HMGCLL1: variants seen among roughly 807,000 people sequenced by gnomAD.
HMGCLL1 encodes 3-hydroxymethyl-3-methylglutaryl-CoA lyase, cytoplasmic.
HMGCLL1 carries 36 observed loss-of-function variants against 39.1 expected under a neutral mutation model. The observed-to-expected ratio is 0.92, with a 90% confidence interval of 0.71 to 1.22. HMGCLL1 has a LOEUF of 1.22. HMGCLL1 is among the 50% of genes most tolerant of loss of function. The probability of loss-of-function intolerance (pLI) is 0.00; values close to 1 mark genes in which losing one functional copy is unlikely to be tolerated. For synonymous variants in HMGCLL1, 149 were observed against 144.0 expected, an observed-to-expected ratio of 1.03 and a Z score of -0.25; for missense variants, 451 against 416.5, an observed-to-expected ratio of 1.08 and a Z score of -0.72.
chr6:55,643,405 T>A, the HMGCLL1 span, among the ~76,000 whole-genome samples: 1 of 152,058 alleles, frequency 6.6e-6, no homozygotes, highest in Non-Finnish European at 1.5e-5. Flanking sequence ...GTTCTGTGAG[T>A]AATGTCATTG....
chr6:55,575,223 C>T (rs1340565795), intron 1 of HMGCLL1, among the ~76,000 whole-genome samples: 1 of 151,982 alleles, frequency 6.6e-6, no homozygotes, highest in Non-Finnish European at 1.5e-5. Flanking sequence ...CAATTTCAAC[C>T]TCTTGGTCTA....
chr6:55,561,353 AAAG>A (rs986276533), intron 1 of HMGCLL1, among the ~76,000 whole-genome samples: 8 of 152,038 alleles, frequency 5.3e-5, no homozygotes, highest in African/African-American at 1.9e-4. Flanking sequence ...AAAACTGAGA[AAAG>A]AAACCCAATC....
intron 1 of HMGCLL1, among the ~76,000 whole-genome samples, chr6:55,573,784 T>TGGTTGAAAAGC (rs1161981435): frequency 6.6e-6 from 1 of 152,028 alleles, no homozygotes; most frequent in African/African-American, 2.4e-5. Flanking sequence ...GAAGCAAAAA[T>TGGTTGAAAAGC]GGTTGAAAAG....
intron 7 of HMGCLL1, among the ~76,000 whole-genome samples, chr6:55,452,885 A>G (rs1258232633): frequency 6.6e-6 from 1 of 152,234 alleles, no homozygotes; most frequent in African/African-American, 2.4e-5. Context: ...GAACTTTAAT[A>G]CAAAGTAGAA....
intron 3 of HMGCLL1, among the ~76,000 whole-genome samples, chr6:55,527,521 A>G (rs1254187824): frequency 6.6e-6 from 1 of 151,896 alleles, no homozygotes; most frequent in Non-Finnish European, 1.5e-5. Flanking sequence ...ATGAATCCCC[A>G]TTTTGTGGTC....
chr6:55,663,337 C>G, the HMGCLL1 span, among the ~76,000 whole-genome samples: 2 of 150,018 alleles, frequency 1.3e-5, no homozygotes, highest in Non-Finnish European at 3.0e-5. Context: ...ATAAATTTCC[C>G]TCTTAACACT....
chr6:55,447,006 A>G (rs887668934), intron 7 of HMGCLL1, among the ~76,000 whole-genome samples: 2 of 152,010 alleles, frequency 1.3e-5, no homozygotes, highest in South Asian at 2.1e-4. Context: ...TTTAACATGA[A>G]TATTCATATA....
intron 1 of HMGCLL1, among the ~76,000 whole-genome samples, chr6:55,551,611 T>G (rs2127464766): frequency 6.6e-6 from 1 of 151,952 alleles, no homozygotes; most frequent in East Asian, 1.9e-4. Flanking sequence ...CTCAAGAATC[T>G]AAAGAAAGTA....
Position 55,514,125 on chromosome 6 carries a change from G to A in HMGCLL1, c.465C>T (p.Asn155=). Residue 155 remains asparagine (N), a synonymous_variant, in exon 5 of 9, where the codon AAC becomes AAT. Coordinates refer to ENST00000274901, the MANE Select transcript of HMGCLL1 (RefSeq NM_001042406.2). ...TTCCCATACTTTCTTCAATGGAACA[G>A]TTAATATTCTTCTTGCTAAAGGATT... ...ASESFSKKNI[N]CSIEESMGKF... is the part of the protein sequence containing the mutation. 7.4e-6 allele frequency: 12 copies of A among 1,612,548 alleles called. No individual in the cohort carries two copies. The highest frequency in any genetic ancestry group is 9.3e-6 in the Non-Finnish European group (11 of 1,179,024).
At chr6:55,615,418 T>C in the HMGCLL1 span, among the ~76,000 whole-genome samples, 1 of 152,090 alleles carries the variant, frequency 6.6e-6, no homozygotes. Flanking sequence ...GGCTCAAAGA[T>C]TTGCAGGCAC....
At chr6:55,447,997 C>A (rs77844987) in intron 7 of HMGCLL1, among the ~76,000 whole-genome samples, 2,457 of 152,182 alleles carry the variant, frequency 0.016, 80 homozygotes, top group African/African-American at 0.057. Context: ...AGAAGAACAT[C>A]GACAAATCAA....
the HMGCLL1 span, among the ~76,000 whole-genome samples, chr6:55,654,776 A>G: frequency 2.6e-5 from 4 of 151,860 alleles, no homozygotes; most frequent in Non-Finnish European, 5.9e-5. Flanking sequence ...GCTTGCACAT[A>G]TCACATTATC....
chr6:55,443,942 A>G (rs1199425496), intron 7 of HMGCLL1, among the ~76,000 whole-genome samples: 3 of 152,158 alleles, frequency 2.0e-5, no homozygotes, highest in Non-Finnish European at 4.4e-5. Flanking sequence ...GACCACACTA[A>G]TCAAAGCAGT....
chr6:55,445,601 T>G (rs1235105586), intron 7 of HMGCLL1, among the ~76,000 whole-genome samples: 1 of 151,986 alleles, frequency 6.6e-6, no homozygotes, highest in African/African-American at 2.4e-5. Context: ...GATGTTCCAT[T>G]TCTCTCCTTT....
At chr6:55,614,069 T>A in the HMGCLL1 span, among the ~76,000 whole-genome samples, 2 of 152,308 alleles carry the variant, frequency 1.3e-5, no homozygotes, top group African/African-American at 2.4e-5. Flanking sequence ...AATATCCACA[T>A]TTCCTTCATA....
At chr6:55,569,100 T>C (rs1386327917) in intron 1 of HMGCLL1, among the ~76,000 whole-genome samples, 1 of 152,090 alleles carries the variant, frequency 6.6e-6, no homozygotes, top group Non-Finnish European at 1.5e-5. Flanking sequence ...CAGAAAGTAT[T>C]GAAGATTGAA....
chr6:55,611,467 G>T, the HMGCLL1 span, among the ~76,000 whole-genome samples: 1 of 152,194 alleles, frequency 6.6e-6, no homozygotes, highest in South Asian at 2.1e-4. Flanking sequence ...CATTTTATGA[G>T]GCCAGCGTTA....
intron 3 of HMGCLL1, among the ~76,000 whole-genome samples, chr6:55,527,740 C>T (rs980790900): frequency 3.3e-5 from 5 of 151,490 alleles, no homozygotes; most frequent in African/African-American, 1.2e-4. Flanking sequence ...TTACCCATGA[C>T]AAAAAAGAAA....
chr6:55,461,885 C>T (rs1260678574), intron 7 of HMGCLL1, among the ~76,000 whole-genome samples: 1 of 151,982 alleles, frequency 6.6e-6, no homozygotes, highest in Non-Finnish European at 1.5e-5. Context: ...AATAATATCT[C>T]TAGTTTTAGA....
Sources: gnomAD v4.1 joint callset for allele counts (sites outside exome capture counted in the v4.1 genomes callset) on GRCh38, gnomAD v4.1.1 for gene constraint, MANE v1.5 for transcripts, NCBI Gene and HGNC (gene_info 2026-07-23, HGNC 2026-07-21) for gene names.